TMEM108: variants seen among roughly 807,000 people sequenced by gnomAD.
TMEM108 encodes the protein transmembrane protein 108, also known as cancer/testis antigen 124.
In TMEM108, 12 loss-of-function variants were observed where a neutral mutation model predicts 35.1. That is an observed-to-expected ratio of 0.34 (90% CI 0.22 to 0.55). The LOEUF is 0.55. TMEM108 is among the 20% of genes least tolerant of loss of function. The pLI is 0.89. For synonymous variants in TMEM108, 287 were observed against 308.6 expected (o/e 0.93, Z 0.73); for missense variants, 680 against 753.3 (o/e 0.90, Z 1.14).
At chr3:133,326,535 G>C (rs1456088615) in intron 3 of TMEM108, among the ~76,000 whole-genome samples, 1 of 152,154 alleles carries the variant, frequency 6.6e-6, no homozygotes, top group East Asian at 1.9e-4. Context: ...AAATGGAATA[G>C]TATAAACAAG....
Position 133,057,435 on chromosome 3 carries a change from G to GTATATA in TMEM108, c.-47+11461_-47+11466dup, listed in dbSNP as rs56983894. ...TGGGCTATTAGTTGTGTGTGTGTGT[G>GTATATA]TATATATATATATATATATATATAT... On this transcript the variant is annotated intron_variant, in intron 2 of 5. Coordinates refer to ENST00000321871, the MANE Select transcript of TMEM108 (RefSeq NM_023943.4). Among the ~76,000 whole-genome samples, 117 of 45,594 alleles carry GTATATA rather than the reference G, an allele frequency of 2.6e-3. 4 individuals are homozygous for GTATATA. Among genetic ancestry groups the GTATATA allele is most frequent in the African/African-American group, 4.4e-3 (63 of 14,202 alleles). 29.9% of individuals were successfully genotyped at this position (45,594 alleles called of 152,430 possible). A position where few individuals can be genotyped will look rare whatever the true frequency, so the allele number is the denominator to read the frequency against.
At chr3:133,210,369 TC>T (rs1450760821) in intron 2 of TMEM108, among the ~76,000 whole-genome samples, 1 of 152,208 alleles carries the variant, frequency 6.6e-6, no homozygotes, top group African/African-American at 2.4e-5. Flanking sequence ...GTTCTAGTGT[TC>T]ACTCAGCATT....
intron 3 of TMEM108, among the ~76,000 whole-genome samples, chr3:133,353,204 A>G (rs1241527110): frequency 6.6e-6 from 1 of 152,164 alleles, no homozygotes; most frequent in Non-Finnish European, 1.5e-5. Flanking sequence ...TCCTTTCCCA[A>G]ATACTGGAAA....
chr3:133,275,754 A>G (rs1946830135), intron 3 of TMEM108, among the ~76,000 whole-genome samples: 1 of 152,246 alleles, frequency 6.6e-6, no homozygotes, highest in African/African-American at 2.4e-5. Context: ...ACACTGAGAT[A>G]AAGAAAGACA....
At chr3:133,198,402 A>G (rs1945610980) in intron 2 of TMEM108, among the ~76,000 whole-genome samples, 1 of 152,332 alleles carries the variant, frequency 6.6e-6, no homozygotes, top group South Asian at 2.1e-4. Flanking sequence ...GTGAACAACC[A>G]GAGGCCATTT....
intron 1 of TMEM108, chr3:133,041,684 A>T (rs759523856): frequency 1.3e-5 from 2 of 151,298 alleles, no homozygotes; most frequent in Non-Finnish European, 2.9e-5. Flanking sequence ...ATCATAGCAT[A>T]GGCTTTAAAC....
At chr3:133,280,345 A>T (rs912383312) in intron 3 of TMEM108, among the ~76,000 whole-genome samples, 10 of 152,200 alleles carry the variant, frequency 6.6e-5, no homozygotes, top group African/African-American at 2.4e-4. Context: ...CTACCCTAGC[A>T]TTGATTAATG....
intron 2 of TMEM108, among the ~76,000 whole-genome samples, chr3:133,112,637 A>G (rs1944239873): frequency 6.6e-6 from 1 of 152,156 alleles, no homozygotes; most frequent in South Asian, 2.1e-4. Context: ...GACAATATTA[A>G]TGTACTTAGG....
At chr3:133,150,011 T>C (rs932856038) in intron 2 of TMEM108, among the ~76,000 whole-genome samples, 2 of 152,146 alleles carry the variant, frequency 1.3e-5, no homozygotes, top group African/African-American at 4.8e-5. Flanking sequence ...TACCCAGAAG[T>C]AGGAGTGCAG....
chr3:133,291,989 T>C (rs868613016), intron 3 of TMEM108, among the ~76,000 whole-genome samples: 5 of 152,312 alleles, frequency 3.3e-5, no homozygotes, highest in African/African-American at 9.6e-5. Flanking sequence ...ACTGCACATC[T>C]GAATACATCC....
chr3:133,156,157 T>C (rs1944879103), intron 2 of TMEM108, among the ~76,000 whole-genome samples: 1 of 151,994 alleles, frequency 6.6e-6, no homozygotes, highest in African/African-American at 2.4e-5. Flanking sequence ...AGTTAACTTC[T>C]TTCTCCTGAG....
chr3:133,251,120 A>G (rs1264216059), intron 3 of TMEM108, among the ~76,000 whole-genome samples: 2 of 152,196 alleles, frequency 1.3e-5, no homozygotes, highest in Non-Finnish European at 2.9e-5. Context: ...TCTGTAACCC[A>G]AAGGGACATG....
chr3:133,158,409 A>G (rs962562554), intron 2 of TMEM108, among the ~76,000 whole-genome samples: 1 of 148,808 alleles, frequency 6.7e-6, no homozygotes, highest in Non-Finnish European at 1.5e-5. Flanking sequence ...CGGAGGTCAC[A>G]GTGAGCCGAG....
intron 3 of TMEM108, among the ~76,000 whole-genome samples, chr3:133,352,217 G>A (rs896067845): frequency 6.6e-6 from 1 of 152,148 alleles, no homozygotes; most frequent in Non-Finnish European, 1.5e-5. Context: ...GCCCATGTGT[G>A]ATAGGGAGTC....
intron 2 of TMEM108, among the ~76,000 whole-genome samples, chr3:133,181,037 A>AAAAAAAAAAAAAAAAAG (rs1945335641): frequency 7.7e-6 from 1 of 130,448 alleles, no homozygotes; most frequent in Non-Finnish European, 1.7e-5. Context: ...AAAAAAAAAA[A>AAAAAAAAAAAAAAAAAG]ACAGCACTCC....
intron 2 of TMEM108, among the ~76,000 whole-genome samples, chr3:133,215,599 A>G (rs943074214): frequency 6.6e-6 from 1 of 152,126 alleles, no homozygotes; most frequent in African/African-American, 2.4e-5. Flanking sequence ...CTTGCCTGTT[A>G]TAAGTTGAAG....
intron 2 of TMEM108, among the ~76,000 whole-genome samples, chr3:133,081,827 A>T (rs1219337900): frequency 6.6e-6 from 1 of 152,208 alleles, no homozygotes; most frequent in Admixed American, 6.5e-5. Flanking sequence ...AAAGAAAGGA[A>T]TCAAGTACAA....
chr3:133,354,506 G>A (rs1489030038), intron 3 of TMEM108, among the ~76,000 whole-genome samples: 2 of 152,218 alleles, frequency 1.3e-5, no homozygotes, highest in East Asian at 1.9e-4. Flanking sequence ...CAGAACAGAA[G>A]TATTGGCATT....
At chr3:133,117,504 A>C (rs1192634050) in intron 2 of TMEM108, among the ~76,000 whole-genome samples, 1 of 152,220 alleles carries the variant, frequency 6.6e-6, no homozygotes, top group Admixed American at 6.5e-5. Context: ...CTCAAACCTC[A>C]GATCATTGCA....
Sources: gnomAD v4.1 joint callset for allele counts (sites outside exome capture counted in the v4.1 genomes callset) on GRCh38, gnomAD v4.1.1 for gene constraint, MANE v1.5 for transcripts, NCBI Gene and HGNC (gene_info 2026-07-23, HGNC 2026-07-21) for gene names.